The following SOX5 variants were observed in gnomAD, a reference collection of about 807,000 sequenced individuals.
The protein encoded by SOX5 is SRY-box transcription factor 5.
A neutral mutation model predicts 92.0 loss-of-function variants in SOX5; 9 were observed. That is an observed-to-expected ratio of 0.10 (90% CI 0.06 to 0.17). The LOEUF is 0.17. Ranked by LOEUF, SOX5 falls within the 10% of genes least tolerant of loss-of-function variation. The pLI, the probability that SOX5 is intolerant of heterozygous loss-of-function variation, is 1.00. For missense variants in SOX5, 642 were observed against 944.5 expected (o/e 0.68, Z 4.20); for synonymous variants, 344 against 336.3 (o/e 1.02, Z -0.25).
chr12:24,321,559 C>G (rs758162753), intron 2 of SOX5, among the ~76,000 whole-genome samples: 20 of 151,948 alleles, frequency 1.3e-4, no homozygotes, highest in Non-Finnish European at 7.4e-5. Flanking sequence ...AAGTTCAAGC[C>G]CATGAATATC....
intron 3 of SOX5, among the ~76,000 whole-genome samples, chr12:23,813,366 C>T (rs1406021029): frequency 6.6e-6 from 1 of 152,010 alleles, no homozygotes; most frequent in African/African-American, 2.4e-5. Context: ...ATAACTAAAC[C>T]AGCAGCCATC....
intron 4 of SOX5, among the ~76,000 whole-genome samples, chr12:24,122,194 G>A (rs557311205): frequency 6.6e-6 from 1 of 152,168 alleles, no homozygotes; most frequent in Non-Finnish European, 1.5e-5. Flanking sequence ...ATGATGTTAC[G>A]ATCCCGAAGC....
At chr12:24,101,005 ACCT>A (rs1946028987) in intron 4 of SOX5, among the ~76,000 whole-genome samples, 1 of 152,022 alleles carries the variant, frequency 6.6e-6, no homozygotes, top group South Asian at 2.1e-4. Context: ...TATTGCAATA[ACCT>A]CCTATCAGGG....
chr12:24,059,688 A>C (rs1325714657), intron 4 of SOX5, among the ~76,000 whole-genome samples: 1 of 152,158 alleles, frequency 6.6e-6, no homozygotes, highest in African/African-American at 2.4e-5. Context: ...CAAGTTTGAG[A>C]GTCTACAAGT....
intron 11 of SOX5, among the ~76,000 whole-genome samples, chr12:23,548,784 A>G (rs955943308): frequency 3.3e-5 from 5 of 152,082 alleles, no homozygotes; most frequent in Non-Finnish European, 5.9e-5. Context: ...GTACTTATGT[A>G]TAAAAGTAGA....
At chr12:23,773,352 C>G (rs1035803639) in intron 3 of SOX5, among the ~76,000 whole-genome samples, 2 of 151,998 alleles carry the variant, frequency 1.3e-5, no homozygotes, top group South Asian at 4.1e-4. Flanking sequence ...TCTGTGCAGC[C>G]TTCTCATTGT....
intron 1 of SOX5, among the ~76,000 whole-genome samples, chr12:24,475,359 G>A (rs771272618): frequency 6.6e-6 from 1 of 152,136 alleles, no homozygotes; most frequent in African/African-American, 2.4e-5. Flanking sequence ...TCCCTTATAG[G>A]AGCATAAGCC....
chr12:24,169,859 T>C (rs1030946074), intron 4 of SOX5, among the ~76,000 whole-genome samples: 2 of 152,196 alleles, frequency 1.3e-5, no homozygotes, highest in African/African-American at 4.8e-5. Flanking sequence ...AGCTATGTCA[T>C]GCCATCCTCG....
chr12:23,672,482 A>C (rs1364307454), intron 6 of SOX5, among the ~76,000 whole-genome samples: 1 of 152,100 alleles, frequency 6.6e-6, no homozygotes, highest in African/African-American at 2.4e-5. Flanking sequence ...TATATGATAC[A>C]AACTCAATTT....
chr12:24,363,713 C>T lies in SOX5; in HGVS notation c.-174+4850G>A, dbSNP rs77877544. ...TTAATGAGGATTTTTAAAGGAAGCA[C>T]ATGAAAAAAAAAAAAAGTCTGATTC... On this transcript the variant is annotated intron_variant, in intron 2 of 4. Transcript: ENST00000446891. Among the ~76,000 whole-genome samples, 805 of 111,842 alleles carry T rather than the reference C, an allele frequency of 7.2e-3. 6 individuals carry two copies. Among genetic ancestry groups the T allele is most frequent in the African/African-American group, 0.026 (774 of 30,182 alleles). The allele number at this position is 111,842 out of a possible 152,430, so 73.4% of individuals were successfully genotyped here. A position where few individuals can be genotyped will look rare whatever the true frequency, so the allele number is the denominator to read the frequency against.
At chr12:24,432,033 C>T (rs1005340528) in intron 1 of SOX5, among the ~76,000 whole-genome samples, 5 of 152,100 alleles carry the variant, frequency 3.3e-5, no homozygotes, top group African/African-American at 9.7e-5. Flanking sequence ...AGGGTTTCCT[C>T]GCAGCCTCAT....
chr12:23,676,158 G>A (rs2085650194), intron 6 of SOX5, among the ~76,000 whole-genome samples: 1 of 152,056 alleles, frequency 6.6e-6, no homozygotes, highest in Non-Finnish European at 1.5e-5. Flanking sequence ...TGTACAGCAT[G>A]AGAGCGATAA....
At chr12:24,027,643 C>T (rs2136785457) in intron 4 of SOX5, among the ~76,000 whole-genome samples, 1 of 151,992 alleles carries the variant, frequency 6.6e-6, no homozygotes, top group Non-Finnish European at 1.5e-5. Flanking sequence ...AAGGTTTATT[C>T]AAGTGGTCGT....
chr12:24,443,423 A>G (rs758468217), intron 1 of SOX5, among the ~76,000 whole-genome samples: 7 of 152,244 alleles, frequency 4.6e-5, no homozygotes, highest in Non-Finnish European at 8.8e-5. Flanking sequence ...AAAATCGCTG[A>G]TTGAATTCAT....
intron 8 of SOX5, among the ~76,000 whole-genome samples, chr12:23,639,632 T>C (rs2079768420): frequency 6.6e-6 from 1 of 152,212 alleles, no homozygotes; most frequent in Admixed American, 6.6e-5. Flanking sequence ...CCAAGACATT[T>C]CCAGCTCAAA....
intron 2 of SOX5, among the ~76,000 whole-genome samples, chr12:23,882,643 C>T (rs556990188): frequency 4.7e-4 from 72 of 152,134 alleles, no homozygotes; most frequent in African/African-American, 1.7e-3. Context: ...GGATTACAAG[C>T]GCGATGGAAA....
intron 4 of SOX5, among the ~76,000 whole-genome samples, chr12:23,963,316 C>T (rs1855621722): frequency 6.6e-6 from 1 of 152,144 alleles, no homozygotes; most frequent in African/African-American, 2.4e-5. Context: ...CATGAAAACT[C>T]AAAGGAGACA....
intron 1 of SOX5, among the ~76,000 whole-genome samples, chr12:23,905,697 G>A (rs1176244089): frequency 6.6e-6 from 1 of 152,074 alleles, no homozygotes; most frequent in African/African-American, 2.4e-5. Context: ...AGGAAAACTA[G>A]TTTACAGGAA....
intron 1 of SOX5, among the ~76,000 whole-genome samples, chr12:23,945,991 G>A (rs1228744053): frequency 6.6e-6 from 1 of 152,054 alleles, no homozygotes; most frequent in Admixed American, 6.6e-5. Flanking sequence ...GGAATTTTAC[G>A]AATTAGTTTG....
Sources: allele counts gnomAD v4.1 joint callset (sites outside exome capture counted in the v4.1 genomes callset), GRCh38; gene constraint gnomAD v4.1.1; transcripts MANE v1.5; gene names NCBI Gene and HGNC (gene_info 2026-07-23, HGNC 2026-07-21).